The following DPY30 variants were observed in gnomAD, a reference collection of about 807,000 sequenced individuals.
DPY30 encodes the protein dpy-30 histone methyltransferase complex regulatory subunit, also known as protein dpy-30 homolog.
Under a neutral mutation model 16.2 loss-of-function variants are expected in DPY30, and 6 were observed. That is an observed-to-expected ratio of 0.37 (90% CI 0.20 to 0.73). The LOEUF is 0.73. DPY30 is among the 30% of genes least tolerant of loss of function. The pLI, the probability that DPY30 is intolerant of heterozygous loss-of-function variation, is 0.51. For synonymous variants in DPY30, 39 were observed against 38.8 expected (o/e 1.00, Z -0.02); for missense variants, 73 against 113.1 (o/e 0.65, Z 1.61).
downstream of DPY30, chr2:32,023,506 C>T (rs1251589282): frequency 6.3e-6 from 3 of 479,020 alleles, no homozygotes; most frequent in Non-Finnish European, 1.3e-5. Context: ...ATCTACTTTG[C>T]AGAGCTGCTT....
intron 3 of DPY30, among the ~76,000 whole-genome samples, chr2:32,032,451 CTA>C (rs1423911195): frequency 2.0e-5 from 3 of 152,186 alleles, no homozygotes; most frequent in Admixed American, 1.3e-4. Flanking sequence ...TCAAAATCCA[CTA>C]TGTTCAAAAC....
Position 32,024,034 on chromosome 2 carries a change from T to C in DPY30, c.*150A>G. The C allele has an allele frequency of 6.7e-7, 1 of 1,483,408 alleles. No homozygotes were observed. The highest frequency in any genetic ancestry group is 8.9e-7 in the Non-Finnish European group (1 of 1,124,862). The allele number at this position is 1,483,408 out of a possible 1,614,324, so 91.9% of individuals were successfully genotyped here. On this transcript the variant is annotated 3_prime_UTR_variant, in exon 5 of 5. Coordinates refer to ENST00000342166, the MANE Select transcript of DPY30 (RefSeq NM_001321209.2). Reference sequence around the variant, plus strand: ...GGTGATTAAATCAAAATAAGGGAAATATGTTATCTTCTGCAATTCCAGAAA... The same window carrying C: ...GGTGATTAAATCAAAATAAGGGAAACATGTTATCTTCTGCAATTCCAGAAA...
At chr2:32,020,975 A>G (rs1192755503), downstream of DPY30, 1 of 152,324 alleles carries the variant, frequency 6.6e-6, no homozygotes, top group Admixed American at 6.6e-5. Flanking sequence ...TCTTAAAAAA[A>G]AAAAAAAAAT....
chr2:32,015,484 A>AT (rs1294155136), intron 5 of DPY30, among the ~76,000 whole-genome samples: 14 of 152,216 alleles, frequency 9.2e-5, no homozygotes, highest in Middle Eastern at 3.4e-3. Flanking sequence ...TTGTAATACA[A>AT]TTTTTTACAT....
intron 3 of DPY30, 113 bp from the exon 4 acceptor site, chr2:32,029,849 G>T (rs999993839): frequency 8.3e-6 from 10 of 1,199,668 alleles, no homozygotes; most frequent in Admixed American, 2.0e-5. Flanking sequence ...TCAATGACTA[G>T]AAAGATGGTA....
Position 32,024,153 on chromosome 2 carries a change from G to A in DPY30, c.*31C>T. On this transcript the variant is annotated 3_prime_UTR_variant, in exon 5 of 5. Transcript: ENST00000342166. ...CTCTTAATCATGTAAATCTACAGTAGCAACTAAATTTTTCTGTTCTTCCCA... is the reference window on the plus strand; with the variant it reads ...CTCTTAATCATGTAAATCTACAGTAACAACTAAATTTTTCTGTTCTTCCCA... The A allele has an allele frequency of 6.2e-7, 1 of 1,602,464 alleles. No homozygotes were observed. The highest frequency in any genetic ancestry group is 8.5e-7 in the Non-Finnish European group (1 of 1,174,082).
chr2:32,031,203 A>G (rs1013574640), intron 3 of DPY30, among the ~76,000 whole-genome samples: 2 of 151,978 alleles, frequency 1.3e-5, no homozygotes, highest in Admixed American at 6.6e-5. Flanking sequence ...CACGCCGACC[A>G]TGAGGTCAGG....
At chr2:32,039,001 C>A (rs1675862171) in intron 3 of DPY30, among the ~76,000 whole-genome samples, 1 of 152,072 alleles carries the variant, frequency 6.6e-6, no homozygotes, top group African/African-American at 2.4e-5. Flanking sequence ...CCCAAAAGAT[C>A]GATTAAAAGC....
downstream of DPY30, among the ~76,000 whole-genome samples, chr2:32,020,608 G>T (rs1358782818): frequency 6.6e-6 from 1 of 151,986 alleles, no homozygotes; most frequent in African/African-American, 2.4e-5. Context: ...TGGTTTCAGT[G>T]ATCTATAGTT....
chr2:32,039,816 T>G (rs1231962700), upstream of DPY30: 15 of 339,458 alleles, frequency 4.4e-5, no homozygotes, highest in Admixed American at 3.9e-4. Flanking sequence ...AAGTGACGGC[T>G]GTCGCACGAC....
At chr2:32,019,678 G>C (rs930297877), downstream of DPY30, among the ~76,000 whole-genome samples, 6 of 151,322 alleles carry the variant, frequency 4.0e-5, no homozygotes, top group African/African-American at 1.5e-4. Flanking sequence ...AAATTAGTTG[G>C]GTGTGGTGGT....
chr2:32,021,864 G>A (rs372351984), downstream of DPY30, among the ~76,000 whole-genome samples: 2 of 152,008 alleles, frequency 1.3e-5, no homozygotes, highest in East Asian at 3.8e-4. Flanking sequence ...AAGTAGCTCT[G>A]ATGAGAATCG....
chr2:32,024,037 G>T lies in DPY30; in HGVS notation c.*147C>A, dbSNP rs1402473226. On this transcript the variant is annotated 3_prime_UTR_variant, in exon 5 of 5. Coordinates refer to ENST00000342166, the MANE Select transcript of DPY30 (RefSeq NM_001321209.2). ...GATTAAATCAAAATAAGGGAAATAT[G>T]TTATCTTCTGCAATTCCAGAAATAG... 4 of 1,487,808 alleles carry T rather than the reference G, an allele frequency of 2.7e-6. No individual in the cohort carries two copies. The East Asian group carries it at 1.0e-4, about 37-fold the overall frequency. 92.2% of individuals were successfully genotyped at this position (1,487,808 alleles called of 1,614,324 possible).
chr2:32,015,836 G>A (rs1300673013), intron 5 of DPY30, among the ~76,000 whole-genome samples: 4 of 145,676 alleles, frequency 2.7e-5, no homozygotes, highest in African/African-American at 1.0e-4. Flanking sequence ...GGCTGACAGA[G>A]CAAGACCCTG....
chr2:32,029,973 G>A (rs1675470847), intron 3 of DPY30, among the ~76,000 whole-genome samples: 3 of 150,810 alleles, frequency 2.0e-5, no homozygotes. Flanking sequence ...CATGTCTCAA[G>A]ATCCTACTCT....
intron 5 of DPY30, among the ~76,000 whole-genome samples, chr2:32,018,849 T>C (rs1053574472): frequency 6.6e-6 from 1 of 151,166 alleles, no homozygotes; most frequent in African/African-American, 2.4e-5. Context: ...TGAAATCCTG[T>C]CTCTATGAAA....
intron 4 of DPY30, among the ~76,000 whole-genome samples, chr2:32,027,425 G>A (rs968742176): frequency 6.6e-6 from 1 of 151,198 alleles, no homozygotes; most frequent in Non-Finnish European, 1.5e-5. Context: ...AGCTACTCAG[G>A]AGGCTGAGGC....
downstream of DPY30, among the ~76,000 whole-genome samples, chr2:32,020,725 TA>T (rs1393218141): frequency 6.6e-6 from 1 of 152,150 alleles, no homozygotes; most frequent in Non-Finnish European, 1.5e-5. Context: ...ATAAATTTTT[TA>T]AACTTAAATC....
rs1572985244 is a variant in DPY30 at position 32,015,407 on chromosome 2, C to G, written n.378-3355G>C. On this transcript the variant is annotated intron_variant and non_coding_transcript_variant, in intron 5 of 5. Transcript: ENST00000414013. ...ATTTATTAAATACTGTGTATCTGAACACTAGACTAAGTACATTAGATATTT... is the reference window on the plus strand; with the variant it reads ...ATTTATTAAATACTGTGTATCTGAAGACTAGACTAAGTACATTAGATATTT... Among the ~76,000 whole-genome samples the G allele has an allele frequency of 3.3e-5, 5 of 152,154 alleles. No homozygotes were observed. The East Asian group carries it at 5.8e-4, about 18-fold the overall frequency.
Sources: allele counts gnomAD v4.1 joint callset (sites outside exome capture counted in the v4.1 genomes callset), GRCh38; gene constraint gnomAD v4.1.1; transcripts MANE v1.5; gene names NCBI Gene and HGNC (gene_info 2026-07-23, HGNC 2026-07-21).